Variants in MGST1 observed in about 807,000 individuals in gnomAD.
MGST1 encodes the protein microsomal glutathione S-transferase 1.
MGST1 carries 5 observed loss-of-function variants against 8.9 expected under a neutral mutation model. That is an observed-to-expected ratio of 0.56 (90% CI 0.29 to 1.19). MGST1 has a LOEUF of 1.19. Among genes scored for constraint, MGST1 ranks in the 50% most tolerant of loss-of-function variants. MGST1 has a pLI of 0.08. For synonymous variants in MGST1, 54 were observed against 67.8 expected, an observed-to-expected ratio of 0.80 and a Z score of 1.00; for missense variants, 182 against 187.4, an observed-to-expected ratio of 0.97 and a Z score of 0.17.
chr12:16,534,166 T>A lies in MGST1; in HGVS notation n.483-55362T>A, dbSNP rs78929785. 8.4e-3 allele frequency among the ~76,000 whole-genome samples: 1,283 copies of A among 152,252 alleles called. 54 individuals are homozygous for A. The East Asian group carries it at 0.14, about 16-fold the overall frequency. On this transcript the variant is annotated intron_variant and non_coding_transcript_variant, in intron 4 of 4. Transcript: ENST00000538857. ...ACTTTTCCAAACAATAAAAAATCAT[T>A]GATAAAATAAGACAAAAGAATAACT...
At chr12:16,385,775 C>T (rs373726547) in intron 1 of MGST1, among the ~76,000 whole-genome samples, 1 of 151,336 alleles carries the variant, frequency 6.6e-6, no homozygotes, top group East Asian at 2.0e-4. Context: ...AAGTAACTCT[C>T]ATTAAGAGTT....
At chr12:16,592,771 C>T (rs1943533501), downstream of MGST1, among the ~76,000 whole-genome samples, 1 of 151,324 alleles carries the variant, frequency 6.6e-6, no homozygotes, top group South Asian at 2.1e-4. Flanking sequence ...AGCAGTATGT[C>T]AAAAAACACT....
chr12:16,428,959 C>T (rs1940916239), intron 1 of MGST1, among the ~76,000 whole-genome samples: 1 of 151,996 alleles, frequency 6.6e-6, no homozygotes, highest in African/African-American at 2.4e-5. Flanking sequence ...TGTTCCTTCT[C>T]AACTGGGCTA....
intron 4 of MGST1, among the ~76,000 whole-genome samples, chr12:16,504,057 T>G (rs139363412): frequency 1.3e-5 from 2 of 152,126 alleles, no homozygotes; most frequent in African/African-American, 4.8e-5. Context: ...GGACTAAGCC[T>G]CAATTTTGGG....
chr12:16,487,177 T>A (rs948149279), intron 4 of MGST1, among the ~76,000 whole-genome samples: 1 of 152,154 alleles, frequency 6.6e-6, no homozygotes, highest in Non-Finnish European at 1.5e-5. Flanking sequence ...TTTTCCAGAA[T>A]AACATTTGTG....
intron 1 of MGST1, among the ~76,000 whole-genome samples, chr12:16,417,893 T>A (rs1020003123): frequency 6.6e-6 from 1 of 152,150 alleles, no homozygotes; most frequent in Non-Finnish European, 1.5e-5. Context: ...AAGCAAGTAT[T>A]TAAAGTATCA....
At chr12:16,530,030 T>G (rs2137199239) in intron 4 of MGST1, among the ~76,000 whole-genome samples, 1 of 152,186 alleles carries the variant, frequency 6.6e-6, no homozygotes, top group East Asian at 1.9e-4. Context: ...GTATGGAAAT[T>G]TTCACAACTC....
At chr12:16,504,450 AC>A (rs1271785327) in intron 4 of MGST1, among the ~76,000 whole-genome samples, 3 of 150,574 alleles carry the variant, frequency 2.0e-5, no homozygotes, top group Non-Finnish European at 3.0e-5. Flanking sequence ...TTTAGGGGGG[AC>A]TTTTTTCCTT....
intron 1 of MGST1, among the ~76,000 whole-genome samples, chr12:16,428,563 T>C (rs559998365): frequency 6.6e-6 from 1 of 152,078 alleles, no homozygotes; most frequent in African/African-American, 2.4e-5. Context: ...ACAATTTCAC[T>C]GATATTGCAT....
At chr12:16,428,133 A>G (rs1940908687) in intron 1 of MGST1, among the ~76,000 whole-genome samples, 1 of 151,890 alleles carries the variant, frequency 6.6e-6, no homozygotes, top group African/African-American at 2.4e-5. Context: ...GATGTCTTCA[A>G]ATTTTGATTT....
In MGST1 at chr12:16,517,771, T is replaced by C. The variant is rs80208574; in HGVS notation, n.483-71757T>C. ...TCCAGATTCATTAACAAAGTAGCAA[T>C]AAATGCCAGTGGTGGACTTTGAGGT... On this transcript the variant is annotated intron_variant and non_coding_transcript_variant, in intron 4 of 4. Transcript: ENST00000538857. This position sits in a 1 kb window ranked among gnomAD's most constrained non-coding sequence, Gnocchi z 4.2. Among the ~76,000 whole-genome samples, 555 of 152,316 alleles carry C rather than the reference T, an allele frequency of 3.6e-3. 4 individuals are homozygous for C. The highest frequency in any genetic ancestry group is 0.013 in the African/African-American group (543 of 41,572).
At chr12:16,407,661 C>T (rs1403488351) in intron 1 of MGST1, among the ~76,000 whole-genome samples, 1 of 152,056 alleles carries the variant, frequency 6.6e-6, no homozygotes, top group Non-Finnish European at 1.5e-5. Flanking sequence ...ATGGAATCTA[C>T]CTAAGTGCCC....
At chr12:16,387,991 A>G (rs1940519992) in intron 1 of MGST1, among the ~76,000 whole-genome samples, 1 of 152,078 alleles carries the variant, frequency 6.6e-6, no homozygotes, top group Non-Finnish European at 1.5e-5. Flanking sequence ...AGGCCATACC[A>G]TCTAGGTTTG....
chr12:16,430,181 T>C (rs1182946672), intron 1 of MGST1, among the ~76,000 whole-genome samples: 1 of 152,214 alleles, frequency 6.6e-6, no homozygotes, highest in Non-Finnish European at 1.5e-5. Context: ...TTTAGTCACA[T>C]CTTCAGGTTC....
At chr12:16,377,029 T>C (rs1385967266) in exon 4 of MGST1, 1 of 152,142 alleles carries the variant, frequency 6.6e-6, no homozygotes, top group Admixed American at 6.6e-5. Context: ...GACCTAAATA[T>C]AGCTTATCAA....
At chr12:16,508,888 A>G (rs1941558115) in intron 4 of MGST1, among the ~76,000 whole-genome samples, 1 of 152,266 alleles carries the variant, frequency 6.6e-6, no homozygotes, top group East Asian at 1.9e-4. Context: ...AATGATATTA[A>G]GTTTATCCCG....
rs1043914976 is a variant in MGST1, at chr12:16,503,907, G to T, written n.483-85621G>T. On this transcript the variant is annotated intron_variant and non_coding_transcript_variant, in intron 4 of 4. Coordinates refer to the MGST1 transcript ENST00000538857. The surrounding 1 kb of genome is among the most constrained non-coding windows in gnomAD (Gnocchi z 4.8). ...GCCACTCTGGGCACATTGCCTATGGGGTAGCCCTGCTCTGCAAGGCACAGT... is the reference window on the plus strand; with the variant it reads ...GCCACTCTGGGCACATTGCCTATGGTGTAGCCCTGCTCTGCAAGGCACAGT... Among the ~76,000 whole-genome samples the T allele has an allele frequency of 2.6e-5, 4 of 152,176 alleles. No homozygotes were observed. Among genetic ancestry groups the T allele is most frequent in the Non-Finnish European group, 5.9e-5 (4 of 68,036 alleles).
At chr12:16,592,205 A>T (rs1306265258), downstream of MGST1, among the ~76,000 whole-genome samples, 1 of 152,034 alleles carries the variant, frequency 6.6e-6, no homozygotes, top group Non-Finnish European at 1.5e-5. Flanking sequence ...CAAGTGACTA[A>T]ATGGTTTCAT....
At position 16,401,376 on chromosome 12, in the gene MGST1, T is replaced by G. The variant is rs983749420; in HGVS notation, n.778+17772T>G. On this transcript the variant is annotated intron_variant and non_coding_transcript_variant, in intron 1 of 1. Coordinates refer to the MGST1 transcript ENST00000359720. The surrounding 1 kb of genome is among the most constrained non-coding windows in gnomAD (Gnocchi z 4.3). ...CATGGAATTCAATTCCCACCCCAAA[T>G]CCTAGGTTTCTGGTAATTTTGTTCA... 8.7e-7 allele frequency: 1 copy of G among 1,148,718 alleles called. No homozygotes were observed. Among genetic ancestry groups the G allele is most frequent in the African/African-American group, 1.5e-5 (1 of 65,764 alleles). 71.2% of individuals were successfully genotyped at this position (1,148,718 alleles called of 1,614,324 possible).
Sources: allele counts gnomAD v4.1 joint callset (sites outside exome capture counted in the v4.1 genomes callset), GRCh38; gene constraint gnomAD v4.1.1; non-coding constraint Gnocchi (gnomAD v3.1); transcripts MANE v1.5; gene names NCBI Gene and HGNC (gene_info 2026-07-23, HGNC 2026-07-21).